Variants in EYS observed in about 807,000 individuals in gnomAD.
The protein encoded by EYS is protein eyes shut homolog.
In EYS, 250 loss-of-function variants were observed where a neutral mutation model predicts 282.1. The ratio of observed to expected loss-of-function variants is 0.89; its 90% confidence interval spans 0.80 to 0.98. EYS has a LOEUF of 0.98. Ranked by LOEUF, EYS falls within the 50% of genes least tolerant of loss-of-function variation. The probability of loss-of-function intolerance (pLI) is 0.00; values close to 1 mark genes in which losing one functional copy is unlikely to be tolerated. For synonymous variants in EYS, 1,355 were observed against 1,282.9 expected (o/e 1.06, Z -1.20); for missense variants, 4,016 against 3,709.0 (o/e 1.08, Z -2.15).
At chr6:64,896,969 G>A (rs1767495845) in intron 18 of EYS, among the ~76,000 whole-genome samples, 1 of 152,172 alleles carries the variant, frequency 6.6e-6, no homozygotes, top group Non-Finnish European at 1.5e-5. Context: ...GGGGCTTATA[G>A]ATAAAACTCC....
chr6:65,525,311 A>T lies in EYS; in HGVS notation c.-332-29318T>A, dbSNP rs567647040. Among the ~76,000 whole-genome samples the T allele has an allele frequency of 3.3e-5, 5 of 152,242 alleles. No individual in the cohort carries two copies. The South Asian group carries it at 1.0e-3, about 32-fold the overall frequency. ...TCATCCTCTGCAGAGGTCACTGTTT[A>T]CCAAGCATCTCAGTGAAAACAAATA... On this transcript the variant is annotated intron_variant, in intron 2 of 42. Transcript: ENST00000503581.
At chr6:65,524,372 G>A (rs1202971324) in intron 2 of EYS, among the ~76,000 whole-genome samples, 1 of 152,190 alleles carries the variant, frequency 6.6e-6, no homozygotes, top group Non-Finnish European at 1.5e-5. Context: ...GGCCAGCAGA[G>A]CACAAGGTCA....
At chr6:65,057,990 T>A (rs1192700893) in intron 12 of EYS, among the ~76,000 whole-genome samples, 2 of 152,140 alleles carry the variant, frequency 1.3e-5, no homozygotes, top group East Asian at 3.9e-4. Context: ...AGATGTGAAC[T>A]AATTTATCTT....
intron 26 of EYS, among the ~76,000 whole-genome samples, chr6:64,443,591 A>T (rs986654464): frequency 6.6e-6 from 1 of 152,178 alleles, no homozygotes; most frequent in Admixed American, 6.5e-5. Context: ...GAACCTGGTG[A>T]GAGATGATTG....
chr6:64,626,298 A>G (rs1238821904), intron 22 of EYS, 53 bp from the exon 23 acceptor site: 2 of 1,484,108 alleles, frequency 1.3e-6, no homozygotes, highest in Non-Finnish European at 8.9e-7. Context: ...CATGAGCACT[A>G]TCACTTTTCA....
intron 22 of EYS, among the ~76,000 whole-genome samples, chr6:64,644,624 G>C (rs915196291): frequency 3.9e-5 from 6 of 152,150 alleles, no homozygotes; most frequent in African/African-American, 1.4e-4. Flanking sequence ...AATATCCAGA[G>C]AAGTAGTAGA....
intron 13 of EYS, among the ~76,000 whole-genome samples, chr6:65,036,557 T>C (rs2150146725): frequency 6.6e-6 from 1 of 151,592 alleles, no homozygotes; most frequent in African/African-American, 2.4e-5. Context: ...ACTTGCAAAC[T>C]ATGCATCTAA....
At chr6:64,014,201 A>G (rs1433223190) in intron 33 of EYS, among the ~76,000 whole-genome samples, 1 of 152,148 alleles carries the variant, frequency 6.6e-6, no homozygotes, top group Non-Finnish European at 1.5e-5. Context: ...AGATCACTTT[A>G]CCAAAATTTA....
chr6:64,397,970 G>A (rs1773430055), intron 28 of EYS, among the ~76,000 whole-genome samples: 1 of 151,778 alleles, frequency 6.6e-6, no homozygotes, highest in Non-Finnish European at 1.5e-5. Flanking sequence ...TTTGGCCTCA[G>A]TGGTATTTAG....
chr6:64,473,161 A>G (rs1776168068), intron 26 of EYS, among the ~76,000 whole-genome samples: 1 of 152,188 alleles, frequency 6.6e-6, no homozygotes, highest in East Asian at 1.9e-4. Context: ...GTGTAATTTT[A>G]TAAAACTCTG....
At position 64,912,593 on chromosome 6, in the gene EYS, T is replaced by C. The variant is rs1177682341; in HGVS notation, c.2532A>G (p.Gln844=). Residue 844 remains glutamine (Q), a synonymous_variant, in exon 16 of 43, where the codon CAA becomes CAG. Transcript: ENST00000503581. ...VCLCPPLYTG[Q]FCHQRYNLCD... is the part of the protein sequence containing the mutation. ...AAAGGTTATAGCGTTGGTGGCAAAA[T>C]TGTCCAGTATAAAGGGGTGGGCACA... 8 of 1,551,130 alleles carry C rather than the reference T, an allele frequency of 5.2e-6. No individual in the cohort carries two copies. The highest frequency in any genetic ancestry group is 7.0e-6 in the Non-Finnish European group (8 of 1,146,722).
At chr6:65,605,778 G>A (rs541309531) in intron 2 of EYS, among the ~76,000 whole-genome samples, 1 of 151,726 alleles carries the variant, frequency 6.6e-6, no homozygotes, top group Admixed American at 6.6e-5. Context: ...AAAAAGGCAA[G>A]CTATGAAAAA....
chr6:64,435,424 A>G (rs112460541), intron 28 of EYS, among the ~76,000 whole-genome samples: 1,614 of 145,038 alleles, frequency 0.011, 30 homozygotes, highest in African/African-American at 0.038. Context: ...TCTGTTTAGG[A>G]CTTCTTCTTC....
intron 13 of EYS, among the ~76,000 whole-genome samples, chr6:65,022,932 AC>A (rs1265511602): frequency 6.6e-6 from 1 of 151,944 alleles, no homozygotes; most frequent in Admixed American, 6.6e-5. Context: ...GAAGTCAGTC[AC>A]AAAAGACCAC....
chr6:65,546,796 A>G (rs1768408014), intron 2 of EYS, among the ~76,000 whole-genome samples: 1 of 151,978 alleles, frequency 6.6e-6, no homozygotes, highest in Admixed American at 6.6e-5. Context: ...GTCTTGAAAT[A>G]CTGACCTCAA....
At chr6:65,082,097 C>A (rs1328160768) in intron 12 of EYS, among the ~76,000 whole-genome samples, 2 of 152,084 alleles carry the variant, frequency 1.3e-5, no homozygotes, top group East Asian at 1.9e-4. Flanking sequence ...ATCACAATTT[C>A]ATCAGATCCA....
intron 18 of EYS, among the ~76,000 whole-genome samples, chr6:64,895,736 T>C (rs1344530830): frequency 9.2e-5 from 14 of 152,214 alleles, no homozygotes; most frequent in Admixed American, 7.9e-4. Flanking sequence ...GGCTTATTTA[T>C]ATAAAAAAAT....
At chr6:65,376,415 C>CA (rs929556476) in intron 8 of EYS, among the ~76,000 whole-genome samples, 1 of 152,036 alleles carries the variant, frequency 6.6e-6, no homozygotes, top group Non-Finnish European at 1.5e-5. Context: ...CCAGCCACTG[C>CA]AAAAACATAC....
intron 29 of EYS, among the ~76,000 whole-genome samples, chr6:64,360,218 G>A (rs775700960): frequency 6.6e-6 from 1 of 151,706 alleles, no homozygotes; most frequent in Non-Finnish European, 1.5e-5. Flanking sequence ...CTAACTACTA[G>A]AGGAAACAGA....
Sources: allele counts gnomAD v4.1 joint callset (sites outside exome capture counted in the v4.1 genomes callset), GRCh38; gene constraint gnomAD v4.1.1; transcripts MANE v1.5; gene names NCBI Gene and HGNC (gene_info 2026-07-23, HGNC 2026-07-21).